The following WWOX variants were observed in gnomAD, a reference collection of about 807,000 sequenced individuals.
WWOX encodes WW domain-containing oxidoreductase.
Under a neutral mutation model 46.2 loss-of-function variants are expected in WWOX, and 69 were observed. That is an observed-to-expected ratio of 1.49 (90% CI 1.23 to 1.82). The LOEUF (loss-of-function observed/expected upper bound fraction) is 1.82, where lower values mean the gene tolerates loss of function less well. Ranked by LOEUF, WWOX falls within the 40% of genes most tolerant of loss-of-function variation. The probability of loss-of-function intolerance (pLI) is 0.00; values close to 1 mark genes in which losing one functional copy is unlikely to be tolerated. For synonymous variants in WWOX, 359 were observed against 202.6 expected (o/e 1.77, Z -6.56); for missense variants, 919 against 542.6 (o/e 1.69, Z -6.89).
intron 8 of WWOX, among the ~76,000 whole-genome samples, chr16:78,574,070 G>T (rs1009259958): frequency 6.6e-6 from 1 of 152,086 alleles, no homozygotes; most frequent in Non-Finnish European, 1.5e-5. Flanking sequence ...TTTTTGACTC[G>T]GCCTGGCTTC....
rs563499106 is a variant in WWOX at position 78,578,809 on chromosome 16, G to C, written c.1056+146057G>C. 4.5e-4 allele frequency among the ~76,000 whole-genome samples: 69 copies of C among 152,266 alleles called. 3 individuals are homozygous for C. The South Asian group carries it at 0.014, about 31-fold the overall frequency. The stretch of plus-strand genomic sequence containing the variant: ...GGTTTCCTGCGCGGCTTCCAGAATT[G>C]CATCCCTGACATTTGGAACATGTGT... On this transcript the variant is annotated intron_variant, in intron 8 of 8. Transcript: ENST00000566780.
intron 5 of WWOX, among the ~76,000 whole-genome samples, chr16:78,309,409 G>T (rs1028338389): frequency 2.2e-4 from 33 of 152,146 alleles, no homozygotes; most frequent in African/African-American, 8.0e-4. Flanking sequence ...AAATTACCCA[G>T]TTTCAGGCAG....
intron 5 of WWOX, among the ~76,000 whole-genome samples, chr16:78,358,933 C>A (rs919491141): frequency 1.5e-5 from 2 of 136,622 alleles, no homozygotes; most frequent in Non-Finnish European, 3.1e-5. Flanking sequence ...TACTGTTTGG[C>A]AGTACAGTTG....
chr16:78,301,537 G>T (rs2151867352), intron 5 of WWOX, among the ~76,000 whole-genome samples: 1 of 152,256 alleles, frequency 6.6e-6, no homozygotes, highest in East Asian at 1.9e-4. Context: ...GGTGAAACAT[G>T]GGAGAAGAGG....
At chr16:78,922,486 C>T (rs911564115) in intron 8 of WWOX, among the ~76,000 whole-genome samples, 8 of 151,054 alleles carry the variant, frequency 5.3e-5, no homozygotes, top group African/African-American at 1.7e-4. Flanking sequence ...TCAAGCGATT[C>T]TCGTGCCTCA....
intron 8 of WWOX, among the ~76,000 whole-genome samples, chr16:78,728,116 G>A (rs1235196210): frequency 7.5e-6 from 1 of 132,624 alleles, no homozygotes; most frequent in East Asian, 2.3e-4. Context: ...CCAAGCTGGA[G>A]TGCAGTGGCC....
At chr16:78,390,733 C>A (rs1284577613) in intron 6 of WWOX, among the ~76,000 whole-genome samples, 1 of 152,178 alleles carries the variant, frequency 6.6e-6, no homozygotes, top group Non-Finnish European at 1.5e-5. Context: ...CAGAGAAACA[C>A]ATGTAACTCT....
At chr16:79,033,072 C>T (rs1401899264) in intron 8 of WWOX, among the ~76,000 whole-genome samples, 7 of 150,582 alleles carry the variant, frequency 4.6e-5, no homozygotes, top group African/African-American at 1.7e-4. Context: ...CCTCCAGCTC[C>T]ATCCATGTTC....
intron 5 of WWOX, among the ~76,000 whole-genome samples, chr16:78,322,505 A>G (rs1597481943): frequency 6.6e-6 from 1 of 152,292 alleles, no homozygotes; most frequent in Admixed American, 6.5e-5. Context: ...TATTAGCCCA[A>G]TTTAAGGATG....
At chr16:79,143,668 A>C (rs575413599) in intron 8 of WWOX, among the ~76,000 whole-genome samples, 1 of 152,266 alleles carries the variant, frequency 6.6e-6, no homozygotes, top group Non-Finnish European at 1.5e-5. Context: ...ATTATGTTTC[A>C]CACCCTATGT....
rs1232899835 is a variant in WWOX at position 78,109,777 on chromosome 16, G to C, written c.173-1G>C. The C allele has an allele frequency of 1.2e-6, 2 of 1,614,000 alleles. No individual in the cohort carries two copies. On this transcript the variant is annotated splice_acceptor_variant, in intron 2 of 8. Coordinates refer to ENST00000566780, the MANE Select transcript of WWOX (RefSeq NM_016373.4). LOFTEE classifies it high-confidence loss of function. ...GTAGACCTGTCTTTCTTGTGTTTCA[G>C]ATTTGCCATACGGATGGGAACAAGA... is the stretch of plus-strand genomic sequence containing the variant.
intron 8 of WWOX, among the ~76,000 whole-genome samples, chr16:79,105,488 A>G (rs1323832072): frequency 6.6e-6 from 1 of 152,078 alleles, no homozygotes; most frequent in African/African-American, 2.4e-5. Flanking sequence ...ATTTATATCT[A>G]TACCTATACC....
chr16:78,777,977 G>A (rs1305706571), intron 8 of WWOX, among the ~76,000 whole-genome samples: 1 of 149,846 alleles, frequency 6.7e-6, no homozygotes, highest in Non-Finnish European at 1.5e-5. Flanking sequence ...CCCAGGAGGT[G>A]GAAGTTGTAG....
chr16:78,478,007 A>G (rs557588115), intron 8 of WWOX, among the ~76,000 whole-genome samples: 1 of 152,334 alleles, frequency 6.6e-6, no homozygotes, highest in African/African-American at 2.4e-5. Context: ...TTTAATACCT[A>G]ACATTTGTTA....
chr16:78,365,364 G>C (rs1260876770), intron 5 of WWOX, among the ~76,000 whole-genome samples: 1 of 152,096 alleles, frequency 6.6e-6, no homozygotes, highest in Non-Finnish European at 1.5e-5. Context: ...TGGATAGTGG[G>C]TTCTGTTTAT....
chr16:78,102,592 T>C (rs1003200511), intron 1 of WWOX, among the ~76,000 whole-genome samples: 2 of 152,210 alleles, frequency 1.3e-5, no homozygotes, highest in Non-Finnish European at 2.9e-5. Context: ...GGGGAAAGGC[T>C]CCTTCTCATC....
At position 78,754,554 on chromosome 16, in the gene WWOX, A is replaced by G. The variant is rs190839685; in HGVS notation, c.1056+321802A>G. Among the ~76,000 whole-genome samples, 23 of 152,128 alleles carry G rather than the reference A, an allele frequency of 1.5e-4. No individual in the cohort carries two copies. In the East Asian group the frequency reaches 4.3e-3, roughly 28 times the overall value. On this transcript the variant is annotated intron_variant, in intron 8 of 8. Transcript: ENST00000566780. ...TTGTTTTTCTCTCCAAATAAATGGT[A>G]TTTATTAAATAAAAATTCATTTTCT... is the stretch of plus-strand genomic sequence containing the variant.
intron 8 of WWOX, among the ~76,000 whole-genome samples, chr16:79,052,163 A>T (rs1231084362): frequency 6.6e-6 from 1 of 151,750 alleles, no homozygotes; most frequent in Non-Finnish European, 1.5e-5. Flanking sequence ...AGCATTAGGT[A>T]TATCTCCCAA....
intron 8 of WWOX, among the ~76,000 whole-genome samples, chr16:78,794,106 T>G (rs1315717689): frequency 6.6e-6 from 1 of 151,974 alleles, no homozygotes. Flanking sequence ...TGGGAGATGA[T>G]TTGGACATGA....
Sources: allele counts gnomAD v4.1 joint callset (sites outside exome capture counted in the v4.1 genomes callset), GRCh38; gene constraint gnomAD v4.1.1; transcripts MANE v1.5; gene names NCBI Gene and HGNC (gene_info 2026-07-23, HGNC 2026-07-21).